PEAK1: variants seen among roughly 807,000 people sequenced by gnomAD.
PEAK1 encodes the protein inactive tyrosine-protein kinase PEAK1.
Under a neutral mutation model 124.7 loss-of-function variants are expected in PEAK1, and 54 were observed. The observed-to-expected ratio is 0.43, with a 90% CI of 0.35 to 0.54. The LOEUF is 0.54. Among genes scored for constraint, PEAK1 ranks in the 20% least tolerant of loss-of-function variants. PEAK1 has a pLI of 0.01. For missense variants in PEAK1, 2,046 were observed against 2,134.5 expected (o/e 0.96, Z 0.82); for synonymous variants, 719 against 760.0 (o/e 0.95, Z 0.89).
intron 1 of PEAK1, among the ~76,000 whole-genome samples, chr15:77,391,470 T>C (rs2070441943): frequency 1.2e-5 from 1 of 84,526 alleles, no homozygotes; most frequent in African/African-American, 4.8e-5. Context: ...CCAACCTAAC[T>C]CATGGCAAAA....
At chr15:77,218,912 G>C (rs904466893) in intron 6 of PEAK1, among the ~76,000 whole-genome samples, 1 of 152,082 alleles carries the variant, frequency 6.6e-6, no homozygotes, top group Non-Finnish European at 1.5e-5. Context: ...AGAAAGGAAT[G>C]ACATACTAAA....
intron 7 of PEAK1, among the ~76,000 whole-genome samples, chr15:77,167,334 A>T (rs552973623): frequency 7.8e-4 from 119 of 152,332 alleles, no homozygotes; most frequent in African/African-American, 2.8e-3. Context: ...ACCTCCCAAA[A>T]GGAAAAGAAA....
intron 1 of PEAK1, among the ~76,000 whole-genome samples, chr15:77,407,932 C>CACATATATAT (rs780953671): frequency 7.2e-6 from 1 of 137,962 alleles, no homozygotes; most frequent in Middle Eastern, 3.8e-3. Flanking sequence ...TACATATATA[C>CACATATATAT]ACACATATAT....
intron 5 of PEAK1, among the ~76,000 whole-genome samples, chr15:77,268,457 G>C (rs1169882927): frequency 1.3e-5 from 2 of 150,522 alleles, no homozygotes; most frequent in South Asian, 2.1e-4. Context: ...CTGGATGACA[G>C]AGCGAGATTC....
intron 1 of PEAK1, among the ~76,000 whole-genome samples, chr15:77,378,676 T>C (rs1242878251): frequency 1.3e-5 from 2 of 152,194 alleles, no homozygotes; most frequent in Non-Finnish European, 2.9e-5. Flanking sequence ...AAAAATCACA[T>C]TGTCAATTCT....
chr15:77,332,890 T>C (rs2065977906), intron 2 of PEAK1: 1 of 195,766 alleles, frequency 5.1e-6, no homozygotes. Flanking sequence ...TATCCATTTC[T>C]TTGTTTACTA....
intron 5 of PEAK1, chr15:77,278,809 T>C (rs1042510330): frequency 6.6e-5 from 23 of 347,614 alleles, no homozygotes; most frequent in African/African-American, 4.5e-4. Context: ...TATCAAGTTT[T>C]ATAAAAATGC....
intron 7 of PEAK1, among the ~76,000 whole-genome samples, chr15:77,164,896 GCTTT>G (rs1391834041): frequency 1.1e-4 from 17 of 151,788 alleles, no homozygotes; most frequent in South Asian, 4.2e-4. Context: ...TGTTGAACAG[GCTTT>G]CTTTCTTTTT....
intron 2 of PEAK1, among the ~76,000 whole-genome samples, chr15:77,321,346 G>A (rs564543629): frequency 3.3e-5 from 5 of 152,186 alleles, no homozygotes; most frequent in Non-Finnish European, 5.9e-5. Context: ...TTTAATGATC[G>A]CCATTCTAAC....
At chr15:77,256,069 C>T (rs2061116886) in intron 5 of PEAK1, among the ~76,000 whole-genome samples, 1 of 152,030 alleles carries the variant, frequency 6.6e-6, no homozygotes. Flanking sequence ...GGTGAAGGGA[C>T]TTTCTGTTCA....
chr15:77,166,872 C>A (rs2056138401), intron 7 of PEAK1, among the ~76,000 whole-genome samples: 1 of 152,180 alleles, frequency 6.6e-6, no homozygotes. Flanking sequence ...TCGGTGACTT[C>A]AAAGTCTACG....
At chr15:77,234,819 A>C (rs576420376) in intron 6 of PEAK1, among the ~76,000 whole-genome samples, 1 of 151,904 alleles carries the variant, frequency 6.6e-6, no homozygotes, top group African/African-American at 2.4e-5. Context: ...AAAAATATAT[A>C]TATTTTTTTG....
At chr15:77,350,217 A>C in intron 2 of PEAK1, 3 of 985,478 alleles carry the variant, frequency 3.0e-6, no homozygotes, top group Non-Finnish European at 3.6e-6. Context: ...GTGAGAACAC[A>C]AAAGAACAAT....
At chr15:77,188,432 C>A (rs543587829) in intron 6 of PEAK1, among the ~76,000 whole-genome samples, 134 of 152,272 alleles carry the variant, frequency 8.8e-4, no homozygotes, top group Middle Eastern at 6.8e-3. Flanking sequence ...CAGTTAACTA[C>A]TACTAATAAT....
At chr15:77,363,649 TTAAAG>T (rs776844249) in intron 2 of PEAK1, among the ~76,000 whole-genome samples, 10 of 152,216 alleles carry the variant, frequency 6.6e-5, no homozygotes, top group Non-Finnish European at 1.3e-4. Context: ...CGGTAAGTGA[TTAAAG>T]TAACTCAGCT....
chr15:77,207,247 A>G (rs1325312902), intron 6 of PEAK1, among the ~76,000 whole-genome samples: 1 of 152,238 alleles, frequency 6.6e-6, no homozygotes, highest in African/African-American at 2.4e-5. Context: ...ATGGCAACAA[A>G]AGACAAAATA....
chr15:77,250,558 G>A (rs530751736), intron 6 of PEAK1, among the ~76,000 whole-genome samples: 3 of 151,708 alleles, frequency 2.0e-5, no homozygotes, highest in African/African-American at 4.8e-5. Context: ...TCAGCCTCCC[G>A]AGTAGCTGGG....
chr15:77,413,634 A>C (rs933545565), intron 1 of PEAK1, among the ~76,000 whole-genome samples: 1 of 152,248 alleles, frequency 6.6e-6, no homozygotes, highest in Non-Finnish European at 1.5e-5. Flanking sequence ...AGACAACTAA[A>C]GCAATGCAAT....
chr15:77,115,472 A>C, intron 9 of PEAK1, 153 bp from the exon 10 acceptor site: 1 of 235,532 alleles, frequency 4.2e-6, no homozygotes, highest in Non-Finnish European at 6.9e-6. Flanking sequence ...GGCAATAATA[A>C]TGGTGGTAAC....
Sources: allele counts gnomAD v4.1 joint callset (sites outside exome capture counted in the v4.1 genomes callset), GRCh38; gene constraint gnomAD v4.1.1; transcripts MANE v1.5; gene names NCBI Gene and HGNC (gene_info 2026-07-23, HGNC 2026-07-21).